ZIM2: variants seen among roughly 807,000 people sequenced by gnomAD.
The protein encoded by ZIM2 is zinc finger imprinted 2.
Under a neutral mutation model 38.6 loss-of-function variants are expected in ZIM2, and 14 were observed. The ratio of observed to expected loss-of-function variants is 0.36; its 90% confidence interval spans 0.24 to 0.57. ZIM2 has a LOEUF of 0.57. Ranked by LOEUF, ZIM2 falls within the 20% of genes least tolerant of loss-of-function variation. The pLI, the probability that ZIM2 is intolerant of heterozygous loss-of-function variation, is 0.81. For synonymous variants in ZIM2, 247 were observed against 245.8 expected, an observed-to-expected ratio of 1.00 and a Z score of -0.04; for missense variants, 680 against 695.1, an observed-to-expected ratio of 0.98 and a Z score of 0.24.
rs535164284 is a variant in ZIM2, at chr19:56,824,389, C to G, written c.-112G>C. 6.2e-7 allele frequency: 1 copy of G among 1,614,122 alleles called. No homozygotes were observed. The highest frequency in any genetic ancestry group is 2.2e-5 in the East Asian group (1 of 44,858). On this transcript the variant is annotated 5_prime_UTR_variant, in exon 4 of 13. Transcript: ENST00000629319. ...TGATGGTCAGGTACTGCTCAAGGAC[C>G]AAGAGCTCGATGATCTCCTCCTTGG...
At position 56,815,044 on chromosome 19, in the gene ZIM2, C is replaced by T. The variant is rs766636344; in HGVS notation, c.490+2702G>A. On this transcript the variant is annotated intron_variant, in intron 9 of 12. Coordinates refer to ENST00000629319, the MANE Select transcript of ZIM2 (RefSeq NM_001387356.1). ...TGTGTACTCCCGACTGTCAACCAGG[C>T]ACTTCCTGCTGTGGACTTTCTGATG... The T allele has an allele frequency of 5.6e-6, 9 of 1,614,172 alleles. No individual in the cohort carries two copies. In the South Asian group the frequency reaches 8.8e-5, roughly 16 times the overall value.
intron 11 of ZIM2, among the ~76,000 whole-genome samples, chr19:56,780,962 A>T (rs888432438): frequency 6.6e-6 from 1 of 152,210 alleles, no homozygotes; most frequent in South Asian, 2.1e-4. Context: ...ATTAACACAA[A>T]ACCTTCAGTG....
intron 2 of ZIM2, among the ~76,000 whole-genome samples, chr19:56,831,922 G>A (rs1257620646): frequency 1.3e-5 from 2 of 152,188 alleles, no homozygotes; most frequent in Admixed American, 6.5e-5. Context: ...GCAGTTTTCA[G>A]AAAGCAAAGC....
intron 1 of ZIM2, among the ~76,000 whole-genome samples, chr19:56,836,969 CA>C (rs573566620): frequency 1.4e-3 from 160 of 116,858 alleles, no homozygotes; most frequent in African/African-American, 4.7e-3. Flanking sequence ...GACTCTGTCT[CA>C]AAAAAAAAAA....
At chr19:56,787,844 C>A (rs2046700090) in intron 10 of ZIM2, among the ~76,000 whole-genome samples, 1 of 151,528 alleles carries the variant, frequency 6.6e-6, no homozygotes, top group South Asian at 2.1e-4. Flanking sequence ...GGAATTTATC[C>A]ATTTCTTCTA....
At chr19:56,804,160 G>C (rs957910263) in intron 9 of ZIM2, among the ~76,000 whole-genome samples, 2 of 152,218 alleles carry the variant, frequency 1.3e-5, no homozygotes, top group African/African-American at 2.4e-5. Flanking sequence ...TCCTCAGCTG[G>C]TCCAGTTCCA....
chr19:56,827,070 T>TA (rs1407915032), intron 2 of ZIM2, among the ~76,000 whole-genome samples: 2 of 152,122 alleles, frequency 1.3e-5, no homozygotes, highest in African/African-American at 4.8e-5. Flanking sequence ...GGAAGAAATC[T>TA]AAAAAGCTGA....
At chr19:56,778,401 T>C (rs927414766) in intron 12 of ZIM2, among the ~76,000 whole-genome samples, 1 of 152,106 alleles carries the variant, frequency 6.6e-6, no homozygotes, top group African/African-American at 2.4e-5. Context: ...CAGACAAACG[T>C]GGAGGAGGGC....
intron 10 of ZIM2, among the ~76,000 whole-genome samples, chr19:56,783,764 C>T (rs1291641655): frequency 6.6e-6 from 1 of 152,022 alleles, no homozygotes; most frequent in Non-Finnish European, 1.5e-5. Flanking sequence ...ATTCATGCTC[C>T]AAATCTTAGC....
In ZIM2 at chr19:56,814,417, A is replaced by G. The variant is rs2059789014; in HGVS notation, c.490+3329T>C. 1 of 1,614,006 alleles carries G rather than the reference A, an allele frequency of 6.2e-7. No individual in the cohort carries two copies. Among genetic ancestry groups the G allele is most frequent in the Non-Finnish European group, 8.5e-7 (1 of 1,179,844 alleles). Reference sequence around the variant, plus strand: ...ATGTTTAGTGAGGACTGTGCTATGAATAAAGGACTTACCACAATCCTTGCA... The same window carrying G: ...ATGTTTAGTGAGGACTGTGCTATGAGTAAAGGACTTACCACAATCCTTGCA... On this transcript the variant is annotated intron_variant, in intron 9 of 12. Transcript: ENST00000629319. The surrounding 1 kb of genome is among the most constrained non-coding windows in gnomAD (Gnocchi z 5.8).
At position 56,781,983 on chromosome 19, in the gene ZIM2, G is replaced by A. The variant is rs139421959; in HGVS notation, c.709C>T (p.Leu237=). The A allele has an allele frequency of 4.3e-6, 7 of 1,613,660 alleles. No individual in the cohort carries two copies. The highest frequency in any genetic ancestry group is 5.9e-6 in the Non-Finnish European group (7 of 1,179,816). ...AQRNLYREVM[L]ENYRNLVSLG... is the part of the protein sequence containing the mutation. ...GAGACCAGGTTCCGGTAATTCTCCA[G>A]CATCACCTCCCTGTAGAGGTTTCTC... Residue 237 remains leucine, a synonymous_variant, in exon 11 of 13, where the codon CTG becomes TTG. Transcript: ENST00000629319.
chr19:56,810,798 G>T (rs2048094638), intron 9 of ZIM2: 1 of 972,148 alleles, frequency 1.0e-6, no homozygotes. Context: ...GTTAGCAGTA[G>T]TTGTTAGGTG....
intron 3 of ZIM2, among the ~76,000 whole-genome samples, chr19:56,825,937 T>A (rs944092514): frequency 5.9e-5 from 9 of 152,222 alleles, no homozygotes. Flanking sequence ...GTCTCAGTGA[T>A]GGGCTCCCAC....
At chr19:56,792,479 T>A (rs1284895772) in intron 9 of ZIM2, among the ~76,000 whole-genome samples, 1 of 129,188 alleles carries the variant, frequency 7.7e-6, no homozygotes, top group Non-Finnish European at 1.5e-5. Flanking sequence ...TGCAGTGAGC[T>A]GAGATCATGC....
At chr19:56,784,172 T>C (rs1285650687) in intron 10 of ZIM2, among the ~76,000 whole-genome samples, 2 of 152,208 alleles carry the variant, frequency 1.3e-5, no homozygotes, top group Non-Finnish European at 2.9e-5. Flanking sequence ...CACAGATTCT[T>C]AAGGCTGAGC....
Position 56,814,715 on chromosome 19 carries a change from G to A in ZIM2, c.490+3031C>T. 1.2e-6 allele frequency: 2 copies of A among 1,614,008 alleles called. No individual in the cohort carries two copies. The highest frequency in any genetic ancestry group is 1.7e-6 in the Non-Finnish European group (2 of 1,179,966). ...TCATCTTCCCTATGAAGTCTCATAT[G>A]CTCATTAAGGGCAGAGCTATGAATG... is the stretch of plus-strand genomic sequence containing the variant. On this transcript the variant is annotated intron_variant, in intron 9 of 12. Transcript: ENST00000629319. This position sits in a 1 kb window ranked among gnomAD's most constrained non-coding sequence, Gnocchi z 5.8.
chr19:56,824,231 C>A, intron 4 of ZIM2, 31 bp downstream of exon 4: 1 of 1,605,192 alleles, frequency 6.2e-7, no homozygotes, highest in Admixed American at 1.7e-5. Context: ...GAGGCCTGCA[C>A]TGACCACCAA....
intron 10 of ZIM2, among the ~76,000 whole-genome samples, chr19:56,786,003 C>A (rs945792576): frequency 6.6e-6 from 1 of 152,028 alleles, no homozygotes; most frequent in Non-Finnish European, 1.5e-5. Context: ...CAAAAGAAAC[C>A]CTGCACCTTC....
rs780594339 is a variant in ZIM2, at chr19:56,775,308, A to G, written c.1057T>C (p.Ser353Pro). 6.2e-7 allele frequency: 1 copy of G among 1,614,028 alleles called. No individual in the cohort carries two copies. Among genetic ancestry groups the G allele is most frequent in the East Asian group, 2.2e-5 (1 of 44,890 alleles). The change falls in exon 13 of 13, where the codon TCC becomes CCC. Residue 353 changes from serine to proline, a missense_variant. Ser to Pro is a moderately conservative substitution (Grantham distance 74). Transcript: ENST00000629319. Reference sequence around the variant, plus strand: ...CATCTGTTGTGTTTGTTCTCTTGGGATGCTGACTGGGGACTCGTACATATT... The same window carrying G: ...CATCTGTTGTGTTTGTTCTCTTGGGGTGCTGACTGGGGACTCGTACATATT... ...PGICTSPQSASQENKHNRCEF... is the reference protein window; with the variant it reads ...PGICTSPQSAPQENKHNRCEF...
Sources: gnomAD v4.1 joint callset for allele counts (sites outside exome capture counted in the v4.1 genomes callset) on GRCh38, gnomAD v4.1.1 for gene constraint, Gnocchi (gnomAD v3.1) non-coding constraint, MANE v1.5 for transcripts, NCBI Gene and HGNC (gene_info 2026-07-23, HGNC 2026-07-21) for gene names.